Variants in ZNF577 observed in about 807,000 individuals in gnomAD.
ZNF577 encodes the protein zinc finger protein 577.
ZNF577 carries 14 observed loss-of-function variants against 13.9 expected under a neutral mutation model. That is an observed-to-expected ratio of 1.00 (90% CI 0.66 to 1.57). The LOEUF (loss-of-function observed/expected upper bound fraction) is 1.57. Among genes scored for constraint, ZNF577 ranks in the 40% most tolerant of loss-of-function variants. The pLI is 0.00. For synonymous variants in ZNF577, 203 were observed against 202.9 expected, an observed-to-expected ratio of 1.00 and a Z score of 0.00; for missense variants, 555 against 579.2, an observed-to-expected ratio of 0.96 and a Z score of 0.43.
chr19:51,856,714 G>A (rs558921663), intron 5 of ZNF577, among the ~76,000 whole-genome samples: 44 of 152,212 alleles, frequency 2.9e-4, no homozygotes, highest in South Asian at 2.5e-3. Flanking sequence ...CATTTAAGAC[G>A]AGAAACTTGG....
intron 9 of ZNF577, among the ~76,000 whole-genome samples, chr19:51,829,823 C>T (rs2084252549): frequency 6.6e-6 from 1 of 152,182 alleles, no homozygotes; most frequent in Non-Finnish European, 1.5e-5. Context: ...GAGGCCAGTG[C>T]CTCCTTGGTT....
intron 9 of ZNF577, among the ~76,000 whole-genome samples, chr19:51,818,446 G>A (rs1013696646): frequency 6.6e-6 from 1 of 152,202 alleles, no homozygotes; most frequent in Non-Finnish European, 1.5e-5. Context: ...CTGAAAGAAG[G>A]TGCTACTTGT....
chr19:51,839,329 G>GGCT (rs1363810627), intron 9 of ZNF577, among the ~76,000 whole-genome samples: 1 of 152,162 alleles, frequency 6.6e-6, no homozygotes, highest in African/African-American at 2.4e-5. Flanking sequence ...AGGAGGTTGA[G>GGCT]GCTGCAGTAA....
At position 51,869,448 on chromosome 19, in the gene ZNF577, C is replaced by A. The variant is rs935763230; in HGVS notation, c.*3084G>T. On this transcript the variant is annotated 3_prime_UTR_variant, in exon 6 of 6. Transcript: ENST00000638348. ...GTCCTTCGCTCATGTTTCCTGCTGACCCTCTCCCCACCATTACCCTATAGT... is the reference window on the plus strand; with the variant it reads ...GTCCTTCGCTCATGTTTCCTGCTGAACCTCTCCCCACCATTACCCTATAGT... Among the ~76,000 whole-genome samples the A allele has an allele frequency of 3.3e-5, 5 of 152,134 alleles. No homozygotes were observed. The highest frequency in any genetic ancestry group is 1.2e-4 in the African/African-American group (5 of 41,422).
intron 5 of ZNF577, among the ~76,000 whole-genome samples, chr19:51,846,474 G>C (rs558649082): frequency 6.6e-6 from 1 of 152,058 alleles, no homozygotes; most frequent in African/African-American, 2.4e-5. Flanking sequence ...TTGGGAGGCC[G>C]AGGCCGGTGG....
chr19:51,818,677 G>C (rs569093493), intron 9 of ZNF577, among the ~76,000 whole-genome samples: 1 of 152,288 alleles, frequency 6.6e-6, no homozygotes, highest in South Asian at 2.1e-4. Context: ...AGAAGGAAGA[G>C]AGAAAGCAAA....
chr19:51,841,875 G>T (rs2084322838), intron 8 of ZNF577, among the ~76,000 whole-genome samples: 1 of 152,170 alleles, frequency 6.6e-6, no homozygotes, highest in South Asian at 2.1e-4. Flanking sequence ...TGCCACATTA[G>T]TTCTAGAGAA....
chr19:51,843,489 CT>C (rs2084332589), intron 6 of ZNF577, among the ~76,000 whole-genome samples: 1 of 152,158 alleles, frequency 6.6e-6, no homozygotes, highest in African/African-American at 2.4e-5. Flanking sequence ...ACTATCTTTT[CT>C]TTGTGCATTC....
chr19:51,825,341 A>G (rs532316725), intron 9 of ZNF577: 1 of 168,422 alleles, frequency 5.9e-6, no homozygotes, highest in African/African-American at 2.4e-5. Flanking sequence ...CCGTGTGTTC[A>G]CGTCTCATGA....
chr19:51,833,974 C>T (rs10406732), intron 9 of ZNF577, among the ~76,000 whole-genome samples: 64,410 of 151,982 alleles, frequency 0.42, 13,811 homozygotes, highest in South Asian at 0.58. Flanking sequence ...GTAATTAGCA[C>T]ATCCATCACC....
Position 51,824,132 on chromosome 19 carries a change from G to A in ZNF577, c.*600-12458C>T. ...CTCTGGACCGCTGTATTTGTGTCCT[G>A]CATCCAGCCTGGGCCCAGAACCATC... On this transcript the variant is annotated intron_variant and NMD_transcript_variant, in intron 9 of 10. Coordinates refer to the ZNF577 transcript ENST00000638827. The surrounding 1 kb of genome is among the most constrained non-coding windows in gnomAD (Gnocchi z 4.7). The A allele has an allele frequency of 6.2e-7, 1 of 1,613,894 alleles. No homozygotes were observed. Among genetic ancestry groups the A allele is most frequent in the South Asian group, 1.1e-5 (1 of 91,040 alleles).
chr19:51,871,037 A>T lies in ZNF577; in HGVS notation c.*1495T>A, dbSNP rs2122649567. ...GGGACTGTTTGGGTTGGCTATGAAA[A>T]AGTTAGTCAATATCCAGGTGCATTA... On this transcript the variant is annotated 3_prime_UTR_variant, in exon 6 of 6. Coordinates refer to ENST00000638348, the MANE Select transcript of ZNF577 (RefSeq NM_001370449.1). Among the ~76,000 whole-genome samples the T allele has an allele frequency of 6.6e-6, 1 of 152,274 alleles. No homozygotes were observed. The highest frequency in any genetic ancestry group is 2.1e-4 in the South Asian group (1 of 4,822).
chr19:51,883,771 T>C (rs564532614), intron 1 of ZNF577, among the ~76,000 whole-genome samples: 51 of 152,232 alleles, frequency 3.4e-4, no homozygotes, highest in African/African-American at 1.2e-3. Context: ...GGACTAACTA[T>C]TCAATGAACT....
intron 9 of ZNF577, among the ~76,000 whole-genome samples, chr19:51,816,420 G>T (rs926364630): frequency 1.2e-4 from 19 of 152,088 alleles, no homozygotes; most frequent in African/African-American, 4.3e-4. Flanking sequence ...GTTAATTTTT[G>T]TGTTTTTAGT....
At chr19:51,823,891 T>A (rs902930803) in intron 9 of ZNF577, 1 of 1,614,126 alleles carries the variant, frequency 6.2e-7, no homozygotes, top group Non-Finnish European at 8.5e-7. Flanking sequence ...GGGCTTGTGA[T>A]CTGGGTGGCT....
chr19:51,877,192 T>C, intron 5 of ZNF577, 90 bp downstream of exon 5: 2 of 1,163,700 alleles, frequency 1.7e-6, no homozygotes, highest in Non-Finnish European at 2.5e-6. Flanking sequence ...TGAAGTCCTC[T>C]AAAGAACACT....
intron 9 of ZNF577, among the ~76,000 whole-genome samples, chr19:51,831,671 T>C (rs934328129): frequency 6.6e-6 from 1 of 152,158 alleles, no homozygotes; most frequent in African/African-American, 2.4e-5. Context: ...CACCCTCCAA[T>C]AGCTTCCCAT....
rs2084155260 is a variant in ZNF577 at position 51,818,052 on chromosome 19, T to C, written c.*600-6378A>G. ...AGTTTTAGGAAATGATGAGTTCACGTCCTTTTTAGGGACATGGACGAAGCT... is the reference window on the plus strand; with the variant it reads ...AGTTTTAGGAAATGATGAGTTCACGCCCTTTTTAGGGACATGGACGAAGCT... On this transcript the variant is annotated intron_variant and NMD_transcript_variant, in intron 9 of 10. Coordinates refer to the ZNF577 transcript ENST00000638827. 2.0e-5 allele frequency among the ~76,000 whole-genome samples: 3 copies of C among 152,220 alleles called. No homozygotes were observed. The South Asian group carries it at 6.2e-4, about 32-fold the overall frequency.
At chr19:51,853,530 G>C (rs1169668803) in intron 5 of ZNF577, among the ~76,000 whole-genome samples, 3 of 152,158 alleles carry the variant, frequency 2.0e-5, no homozygotes, top group Non-Finnish European at 4.4e-5. Flanking sequence ...AGATGCATTA[G>C]AGGATTTTGG....
Sources: allele counts gnomAD v4.1 joint callset (sites outside exome capture counted in the v4.1 genomes callset), GRCh38; gene constraint gnomAD v4.1.1; non-coding constraint Gnocchi (gnomAD v3.1); transcripts MANE v1.5; gene names NCBI Gene and HGNC (gene_info 2026-07-23, HGNC 2026-07-21).